The following ZSWIM5 variants were observed in gnomAD, a reference collection of about 807,000 sequenced individuals.
ZSWIM5 encodes the protein zinc finger SWIM-type containing 5.
ZSWIM5 carries 55 observed loss-of-function variants against 119.6 expected under a neutral mutation model. That is an observed-to-expected ratio of 0.46 (90% CI 0.37 to 0.58). The LOEUF (loss-of-function observed/expected upper bound fraction) is 0.58, where lower values mean the gene tolerates loss of function less well. Ranked by LOEUF, ZSWIM5 falls within the 20% of genes least tolerant of loss-of-function variation. ZSWIM5 has a pLI of 0.00. For synonymous variants in ZSWIM5, 537 were observed against 606.9 expected (o/e 0.88, Z 1.69); for missense variants, 1,193 against 1,512.8 (o/e 0.79, Z 3.51).
intron 1 of ZSWIM5, among the ~76,000 whole-genome samples, chr1:45,187,553 T>G (rs1426574448): frequency 6.6e-6 from 1 of 151,344 alleles, no homozygotes; most frequent in Non-Finnish European, 1.5e-5. Context: ...AGCTATACTA[T>G]CAAAAGAAAG....
chr1:45,195,779 G>A (rs1646118459), intron 1 of ZSWIM5, among the ~76,000 whole-genome samples: 1 of 151,782 alleles, frequency 6.6e-6, no homozygotes. Context: ...ATGGTCCATA[G>A]CATTTGTAGA....
chr1:45,168,368 T>C (rs1397255817), intron 1 of ZSWIM5, among the ~76,000 whole-genome samples: 1 of 151,912 alleles, frequency 6.6e-6, no homozygotes, highest in Non-Finnish European at 1.5e-5. Context: ...CATTAGGAGA[T>C]ATACCTAATG....
chr1:45,069,946 C>T, intron 2 of ZSWIM5: 1 of 637,860 alleles, frequency 1.6e-6, no homozygotes. Flanking sequence ...GGAGCAAATC[C>T]AGTATCCACT....
At position 45,019,191 on chromosome 1, in the gene ZSWIM5, G is replaced by A. The variant is rs369363295; in HGVS notation, c.2821C>T (p.Pro941Ser). Residue 941 changes from proline (P) to serine (S), a missense_variant, in exon 14 of 14, where the codon CCA becomes TCA. Around this residue, in one of 2 missense-constraint regions of ZSWIM5, gnomAD observed 961 missense variants for 1,290.0 expected, o/e 0.74. Transcript: ENST00000359600. The surrounding 1 kb of genome is among the most constrained non-coding windows in gnomAD (Gnocchi z 5.0). ...CAGCTAGCCAGTTCCTCCCGCTGTGGATAGTCAAGACTGAGGCGCAGGATA... is the reference window on the plus strand; with the variant it reads ...CAGCTAGCCAGTTCCTCCCGCTGTGAATAGTCAAGACTGAGGCGCAGGATA... ...TTILRLSLDY[P>S]QREELASCAR... 115 of 1,613,566 alleles carry A rather than the reference G, an allele frequency of 7.1e-5. No individual in the cohort carries two copies. In the Middle Eastern group the frequency reaches 1.2e-3, roughly 17 times the overall value.
chr1:45,079,318 C>G (rs528971047), intron 2 of ZSWIM5, among the ~76,000 whole-genome samples: 1 of 152,348 alleles, frequency 6.6e-6, no homozygotes, highest in East Asian at 1.9e-4. Context: ...TTACACAAAG[C>G]CTGTTTGGTG....
intron 2 of ZSWIM5, among the ~76,000 whole-genome samples, chr1:45,071,496 C>T (rs1487791405): frequency 8.0e-6 from 1 of 124,348 alleles, no homozygotes; most frequent in Non-Finnish European, 1.6e-5. Flanking sequence ...CACTCTGTCA[C>T]CCAGGCTGGA....
rs1644870329 is a variant in ZSWIM5, at chr1:45,018,783, T to C, written c.3229A>G (p.Ile1077Val). The C allele has an allele frequency of 1.2e-6, 2 of 1,614,048 alleles. No homozygotes were observed. The highest frequency in any genetic ancestry group is 2.2e-5 in the South Asian group (2 of 91,084). ...SVHCATVLSD[I>V]LRRCTVTAPG... ...GCAGTCACTGTGCAGCGTCGTAAGATGTCTGAAAGCACTGTGGCACAGTGC... is the reference window on the plus strand; with the variant it reads ...GCAGTCACTGTGCAGCGTCGTAAGACGTCTGAAAGCACTGTGGCACAGTGC... Residue 1077 changes from isoleucine (I) to valine (V), a missense_variant, in exon 14 of 14, where the codon ATC (isoleucine) becomes GTC (valine). Ile to Val is a conservative substitution (Grantham distance 29). This residue lies in a region of ZSWIM5 where 961 missense variants were observed against 1,290.0 expected (regional missense o/e 0.74). Transcript: ENST00000359600. This position sits in a 1 kb window ranked among gnomAD's most constrained non-coding sequence, Gnocchi z 6.7.
chr1:45,086,881 ATTTTTT>A (rs377217727), intron 2 of ZSWIM5, among the ~76,000 whole-genome samples: 2 of 131,952 alleles, frequency 1.5e-5, no homozygotes, highest in African/African-American at 5.7e-5. Flanking sequence ...TTCTTCTTAA[ATTTTTT>A]TTTTTTTTTT....
chr1:45,067,634 T>C (rs1006717235), intron 2 of ZSWIM5, among the ~76,000 whole-genome samples: 15 of 152,150 alleles, frequency 9.9e-5, no homozygotes, highest in African/African-American at 3.4e-4. Context: ...CATTAAGGAA[T>C]AAACAAGGGC....
intron 2 of ZSWIM5, among the ~76,000 whole-genome samples, chr1:45,069,092 G>A (rs908527734): frequency 2.0e-5 from 3 of 151,734 alleles, no homozygotes; most frequent in East Asian, 3.9e-4. Flanking sequence ...AATTACTGGC[G>A]TGAACCATCC....
At chr1:45,042,401 C>T (rs1369777657) in intron 6 of ZSWIM5, among the ~76,000 whole-genome samples, 1 of 152,068 alleles carries the variant, frequency 6.6e-6, no homozygotes, top group East Asian at 1.9e-4. Flanking sequence ...ATTAGATTTA[C>T]GTTTCAGAAG....
intron 1 of ZSWIM5, among the ~76,000 whole-genome samples, chr1:45,116,265 A>C (rs1152018): frequency 0.15 from 22,616 of 152,136 alleles, 2,131 homozygotes; most frequent in African/African-American, 0.26. Flanking sequence ...GGAAATAAGG[A>C]ACTGGTTGCA....
chr1:45,183,929 G>T (rs1036052023), intron 1 of ZSWIM5, among the ~76,000 whole-genome samples: 43 of 152,162 alleles, frequency 2.8e-4, no homozygotes, highest in South Asian at 1.2e-3. Context: ...TACCAAAGCC[G>T]GGCAGAGACA....
chr1:45,133,020 A>G (rs575559852), intron 1 of ZSWIM5, among the ~76,000 whole-genome samples: 14 of 152,268 alleles, frequency 9.2e-5, no homozygotes, highest in African/African-American at 3.4e-4. Flanking sequence ...TCATTGATGG[A>G]CATTTGGGTT....
intron 1 of ZSWIM5, among the ~76,000 whole-genome samples, chr1:45,148,170 A>C (rs1251107675): frequency 3.9e-5 from 6 of 152,198 alleles, no homozygotes; most frequent in African/African-American, 1.2e-4. Flanking sequence ...TAAAAACACA[A>C]AAAAATTGTA....
chr1:45,147,470 G>T (rs1645768591), intron 1 of ZSWIM5, among the ~76,000 whole-genome samples: 2 of 148,676 alleles, frequency 1.3e-5, no homozygotes, highest in South Asian at 2.1e-4. Context: ...TGTAAATGTA[G>T]AATTACCATA....
intron 1 of ZSWIM5, among the ~76,000 whole-genome samples, chr1:45,143,783 A>G (rs997793364): frequency 2.0e-5 from 3 of 152,222 alleles, no homozygotes; most frequent in Non-Finnish European, 4.4e-5. Context: ...AATTTACAAA[A>G]AAGTGCAGTT....
At chr1:45,125,558 G>A (rs1165945520) in intron 1 of ZSWIM5, among the ~76,000 whole-genome samples, 1 of 151,354 alleles carries the variant, frequency 6.6e-6, no homozygotes, top group African/African-American at 2.4e-5. Context: ...GGGGAATCAC[G>A]AGGTCAGGAG....
In ZSWIM5 at chr1:45,034,416, T is replaced by C; in HGVS notation, c.2345A>G (p.His782Arg). Residue 782 changes from histidine (H) to arginine (R), a missense_variant, in exon 11 of 14, where the codon CAT becomes CGT. Physicochemically the swap from His to Arg is conservative, Grantham distance 29. This residue lies in a region of ZSWIM5 where 961 missense variants were observed against 1,290.0 expected (regional missense o/e 0.74). Transcript: ENST00000359600. ...ACGGCTGGGCACCACAGACACCATATGGTGAGGGTGGGATGTGTCGCCTGC... is the reference window on the plus strand; with the variant it reads ...ACGGCTGGGCACCACAGACACCATACGGTGAGGGTGGGATGTGTCGCCTGC... ...ASAGDTSHPH[H>R]MVSVVPSRYP... The C allele has an allele frequency of 1.2e-6, 2 of 1,613,716 alleles. No individual in the cohort carries two copies. Among genetic ancestry groups the C allele is most frequent in the Admixed American group, 1.7e-5 (1 of 59,948 alleles).
Sources: gnomAD v4.1 joint callset for allele counts (sites outside exome capture counted in the v4.1 genomes callset) on GRCh38, gnomAD v4.1.1 for gene constraint, gnomAD v4.1.1 regional missense constraint, Gnocchi (gnomAD v3.1) non-coding constraint, MANE v1.5 for transcripts, NCBI Gene and HGNC (gene_info 2026-07-23, HGNC 2026-07-21) for gene names.